Variants in WDPCP observed in about 807,000 individuals in gnomAD.
WDPCP encodes the protein WD repeat-containing and planar cell polarity effector protein fritz homolog.
In WDPCP, 71 loss-of-function variants were observed where a neutral mutation model predicts 93.1. The ratio of observed to expected loss-of-function variants is 0.76; its 90% CI spans 0.63 to 0.93. WDPCP has a LOEUF of 0.93. Among genes scored for constraint, WDPCP ranks in the 40% least tolerant of loss-of-function variants. The pLI is 0.00. For missense variants in WDPCP, 844 were observed against 887.4 expected (o/e 0.95, Z 0.62); for synonymous variants, 315 against 315.0 (o/e 1.00, Z 0.00).
intron 6 of WDPCP, among the ~76,000 whole-genome samples, chr2:63,478,666 G>A (rs1050334854): frequency 2.6e-5 from 4 of 152,034 alleles, no homozygotes; most frequent in East Asian, 3.9e-4. Context: ...AAACCTCTGC[G>A]ATACAGCAAA....
intron 1 of WDPCP, among the ~76,000 whole-genome samples, chr2:63,537,615 G>A (rs1467743584): frequency 1.3e-5 from 2 of 152,018 alleles, no homozygotes; most frequent in African/African-American, 4.8e-5. Context: ...AATCTGAAAT[G>A]CACTTACCTA....
intron 14 of WDPCP, among the ~76,000 whole-genome samples, chr2:63,183,882 T>C (rs1674433276): frequency 6.6e-6 from 1 of 152,148 alleles, no homozygotes; most frequent in South Asian, 2.1e-4. Flanking sequence ...ATGACTGACT[T>C]TGTCTTTTTT....
chr2:63,732,086 T>C (rs1669568712), intron 2 of WDPCP, among the ~76,000 whole-genome samples: 2 of 152,168 alleles, frequency 1.3e-5, no homozygotes, highest in South Asian at 2.1e-4. Flanking sequence ...TTGGTCTTTA[T>C]GGTTTTATGG....
At chr2:63,537,145 C>A (rs190228486) in intron 1 of WDPCP, among the ~76,000 whole-genome samples, 80 of 152,270 alleles carry the variant, frequency 5.3e-4, no homozygotes, top group Non-Finnish European at 6.2e-4. Context: ...ATGGAAGCAC[C>A]AACCACCTAG....
chr2:63,520,610 A>G (rs1226395702), intron 1 of WDPCP, among the ~76,000 whole-genome samples: 2 of 152,308 alleles, frequency 1.3e-5, no homozygotes, highest in East Asian at 3.9e-4. Context: ...AAGAATTTTC[A>G]TCCAGGCGTG....
At chr2:63,262,298 A>C (rs988511314) in intron 13 of WDPCP, among the ~76,000 whole-genome samples, 1 of 152,120 alleles carries the variant, frequency 6.6e-6, no homozygotes, top group Non-Finnish European at 1.5e-5. Flanking sequence ...AAAGAACATA[A>C]ATGAACATCT....
At chr2:63,319,498 A>G (rs1031853326) in intron 12 of WDPCP, among the ~76,000 whole-genome samples, 11 of 152,260 alleles carry the variant, frequency 7.2e-5, no homozygotes, top group Admixed American at 6.5e-4. Context: ...AGAAAGAAAC[A>G]GGAGTCTTAA....
At chr2:63,835,851 C>T in the WDPCP span, among the ~76,000 whole-genome samples, 2 of 151,974 alleles carry the variant, frequency 1.3e-5, no homozygotes, top group African/African-American at 4.8e-5. Context: ...AGAATCTTCT[C>T]TTTATTTTAT....
chr2:63,533,422 C>T (rs927500944), intron 1 of WDPCP, among the ~76,000 whole-genome samples: 1 of 152,190 alleles, frequency 6.6e-6, no homozygotes. Flanking sequence ...CTCAGCATCA[C>T]ATCACACTTA....
chr2:63,285,980 G>C lies in WDPCP; in HGVS notation c.1813-26571C>G, dbSNP rs1039349093. Among the ~76,000 whole-genome samples, 9 of 140,898 alleles carry C rather than the reference G, an allele frequency of 6.4e-5. No homozygotes were observed. The East Asian group carries it at 1.5e-3, about 24-fold the overall frequency. 92.4% of individuals were successfully genotyped at this position (140,898 alleles called of 152,430 possible). Reference sequence around the variant, plus strand: ...ATGGAACATTAAATAATAACACAAGGTCATGAAACAAGTTTCTCTCTCTCT... The same window carrying C: ...ATGGAACATTAAATAATAACACAAGCTCATGAAACAAGTTTCTCTCTCTCT... On this transcript the variant is annotated intron_variant, in intron 13 of 17. Coordinates refer to ENST00000272321, the MANE Select transcript of WDPCP (RefSeq NM_015910.7).
At chr2:63,811,385 C>T (rs904175249) in intron 2 of WDPCP, among the ~76,000 whole-genome samples, 2 of 152,136 alleles carry the variant, frequency 1.3e-5, no homozygotes, top group East Asian at 3.9e-4. Context: ...AAGTAAGCAG[C>T]CAAGTTGGAA....
chr2:63,479,037 T>C (rs1470544959), intron 6 of WDPCP, among the ~76,000 whole-genome samples: 1 of 147,564 alleles, frequency 6.8e-6, no homozygotes, highest in Non-Finnish European at 1.5e-5. Context: ...AAAAAAAAAA[T>C]CATTCAAGGC....
At chr2:63,370,340 T>C (rs1691277158) in intron 12 of WDPCP, among the ~76,000 whole-genome samples, 2 of 152,152 alleles carry the variant, frequency 1.3e-5, no homozygotes, top group Admixed American at 6.6e-5. Context: ...CTCCTGCTTA[T>C]TTCTCCTTTT....
chr2:63,534,856 G>A (rs938839928), intron 1 of WDPCP, among the ~76,000 whole-genome samples: 2 of 152,240 alleles, frequency 1.3e-5, no homozygotes, highest in Non-Finnish European at 2.9e-5. Context: ...GGAAGTTCTG[G>A]CCAGGGCAAT....
chr2:63,809,763 C>T (rs905124417), intron 2 of WDPCP, among the ~76,000 whole-genome samples: 2 of 152,074 alleles, frequency 1.3e-5, no homozygotes, highest in African/African-American at 4.8e-5. Flanking sequence ...GACCCAGGGA[C>T]ACAAACACTG....
At chr2:63,597,512 A>C in intron 3 of WDPCP, 1 of 1,511,612 alleles carries the variant, frequency 6.6e-7, no homozygotes, top group Non-Finnish European at 8.9e-7. Flanking sequence ...ACTGAAAGCA[A>C]ATGTGAAAAT....
intron 2 of WDPCP, among the ~76,000 whole-genome samples, chr2:63,810,813 C>T (rs1670852565): frequency 3.9e-5 from 6 of 152,106 alleles, no homozygotes; most frequent in Admixed American, 3.3e-4. Flanking sequence ...TATTTTAATC[C>T]CTATTGCTTT....
At chr2:63,477,430 A>G (rs1700033904) in intron 6 of WDPCP, among the ~76,000 whole-genome samples, 1 of 152,162 alleles carries the variant, frequency 6.6e-6, no homozygotes, top group Non-Finnish European at 1.5e-5. Context: ...TTGTCTGAAG[A>G]AAATCAACTT....
chr2:63,486,454 A>G (rs1377170845), intron 4 of WDPCP, 88 bp downstream of exon 4: 3 of 1,265,428 alleles, frequency 2.4e-6, no homozygotes, highest in Non-Finnish European at 3.3e-6. Flanking sequence ...TGGAGGGAAT[A>G]AAGTTTCCTC....
Sources: allele counts gnomAD v4.1 joint callset (sites outside exome capture counted in the v4.1 genomes callset), GRCh38; gene constraint gnomAD v4.1.1; transcripts MANE v1.5; gene names NCBI Gene and HGNC (gene_info 2026-07-23, HGNC 2026-07-21).